CYP27B1: variants seen among roughly 807,000 people sequenced by gnomAD.
CYP27B1 encodes the protein cytochrome P450 family 27 subfamily B member 1.
A neutral mutation model predicts 54.8 loss-of-function variants in CYP27B1; 46 were observed. The observed-to-expected ratio is 0.84, with a 90% CI of 0.66 to 1.07. The LOEUF (loss-of-function observed/expected upper bound fraction) is 1.07, where lower values mean the gene tolerates loss of function less well. CYP27B1 is among the 50% of genes least tolerant of loss of function. CYP27B1 has a pLI of 0.00. For synonymous variants in CYP27B1, 292 were observed against 297.3 expected (o/e 0.98, Z 0.18); for missense variants, 674 against 692.2 (o/e 0.97, Z 0.30).
chr12:57,763,096 C>T lies in CYP27B1; in HGVS notation c.*46G>A. The T allele has an allele frequency of 2.2e-6, 3 of 1,387,370 alleles. No homozygotes were observed. Among genetic ancestry groups the T allele is most frequent in the Non-Finnish European group, 1.0e-6 (1 of 977,950 alleles). The allele number at this position is 1,387,370 out of a possible 1,614,324, so 85.9% of individuals were successfully genotyped here. On this transcript the variant is annotated 3_prime_UTR_variant, in exon 9 of 9. Transcript: ENST00000228606. ...TCTTGTGCCTACAAAAAATCTTATC[C>T]CTATGATGAATGAAAGGGTGATGAT...
At chr12:57,763,401 G>A in intron 8 of CYP27B1, 146 bp from the exon 9 acceptor site, 1 of 847,296 alleles carries the variant, frequency 1.2e-6, no homozygotes, top group Non-Finnish European at 2.0e-6. Flanking sequence ...GGGACTTCTT[G>A]GTTAATAAGG....
rs758207671 is a variant in CYP27B1, at chr12:57,762,690, G to T, written c.*452C>A. The T allele has an allele frequency of 8.0e-6, 2 of 249,388 alleles. No individual in the cohort carries two copies. Among genetic ancestry groups the T allele is most frequent in the Non-Finnish European group, 1.6e-5 (2 of 125,824 alleles). The allele number at this position is 249,388 out of a possible 1,614,324, so 15.4% of individuals were successfully genotyped here. A position where few individuals can be genotyped will look rare whatever the true frequency, so the allele number is the denominator to read the frequency against. The stretch of plus-strand genomic sequence containing the variant: ...GCAGGGGACATAAAAAACAAATAAG[G>T]CTTCACCCTTCCTCTCAAAGAGCTT... On this transcript the variant is annotated 3_prime_UTR_variant, in exon 9 of 9. Coordinates refer to ENST00000228606, the MANE Select transcript of CYP27B1 (RefSeq NM_000785.4).
At position 57,765,587 on chromosome 12, in the gene CYP27B1, T is replaced by A. The variant is rs1182296520; in HGVS notation, c.387-88A>T. 7.2e-7 allele frequency: 1 copy of A among 1,383,446 alleles called. No individual in the cohort carries two copies. Among genetic ancestry groups the A allele is most frequent in the Non-Finnish European group, 1.0e-6 (1 of 992,076 alleles). 85.7% of individuals were successfully genotyped at this position (1,383,446 alleles called of 1,614,324 possible). ...AGTGAAGGAGCGCGTTCGGCTGCGG[T>A]GGCCAGGAGAGGGATTGCGTCTGCC... On this transcript the variant is annotated intron_variant, in intron 2 of 8. Transcript: ENST00000228606. This position sits in a 1 kb window ranked among gnomAD's most constrained non-coding sequence, Gnocchi z 5.8.
chr12:57,764,653 T>G, intron 5 of CYP27B1, 101 bp downstream of exon 5: 1 of 1,591,812 alleles, frequency 6.3e-7, no homozygotes, highest in Non-Finnish European at 8.6e-7. Flanking sequence ...GCCAAGCTGG[T>G]CTACGTGGCC....
Position 57,765,352 on chromosome 12 carries a change from C to A in CYP27B1, c.534G>T (p.Gly178=), listed in dbSNP as rs757859131. 1.9e-6 allele frequency: 3 copies of A among 1,613,468 alleles called. No homozygotes were observed. ...RLRRQRGRGT[G]PPALVRDVAG... Reference sequence around the variant, plus strand: ...CCACGTCCCGAACCAGGGCGGGCGGCCCCGTGCCACGTCCCCGCTGGCGCC... The same window carrying A: ...CCACGTCCCGAACCAGGGCGGGCGGACCCGTGCCACGTCCCCGCTGGCGCC... Residue 178 remains glycine (G), a synonymous_variant, in exon 3 of 9, where the codon GGG becomes GGT. Coordinates refer to ENST00000228606, the MANE Select transcript of CYP27B1 (RefSeq NM_000785.4). The surrounding 1 kb of genome is among the most constrained non-coding windows in gnomAD (Gnocchi z 5.8).
At position 57,766,853 on chromosome 12, in the gene CYP27B1, C is replaced by T. The variant is rs576826652; in HGVS notation, c.189G>A (p.Glu63=). ...GAAAGGCGTCCCTTCCTACCTGCAG[C>T]TCGTGTAGCCTCGACAGCCCCCCCT... ...FCKGGLSRLH[E]LQVQGAAHFG... is the part of the protein sequence containing the mutation. Residue 63 remains glutamate (E), a synonymous_variant, in exon 1 of 9, where the codon GAG becomes GAA. Coordinates refer to ENST00000228606, the MANE Select transcript of CYP27B1 (RefSeq NM_000785.4). 9 of 1,614,246 alleles carry T rather than the reference C, an allele frequency of 5.6e-6. No individual in the cohort carries two copies. In the South Asian group the frequency reaches 7.7e-5, roughly 14 times the overall value.
At chr12:57,763,301 TG>T (rs1955333325) in intron 8 of CYP27B1, 46 bp from the exon 9 acceptor site, 2 of 1,388,934 alleles carry the variant, frequency 1.4e-6, no homozygotes, top group South Asian at 1.2e-5. Flanking sequence ...ATATCTATAA[TG>T]GGGGGATTCA....
At position 57,766,038 on chromosome 12, in the gene CYP27B1, AGCGGCGGTGCTCCGT is replaced by A; in HGVS notation, c.340_354del (p.Thr114_Arg118del). The A allele has an allele frequency of 6.4e-7, 1 of 1,569,654 alleles. No individual in the cohort carries two copies. ...AGCAGTCCGCAAGCCCGCTGGCGGC[AGCGGCGGTGCTCCGT>A]CCAGGGCGAGAAGCTGCAGCGCTCG... is the stretch of plus-strand genomic sequence containing the variant. On this transcript the variant is annotated inframe_deletion, in exon 2 of 9. Transcript: ENST00000228606.
chr12:57,764,318 A>G, intron 6 of CYP27B1, 60 bp downstream of exon 6: 1 of 1,602,326 alleles, frequency 6.2e-7, no homozygotes, highest in Non-Finnish European at 8.6e-7. Context: ...TCCATCCACT[A>G]GTTGCTTCCC....
rs1372678740 is a variant in CYP27B1, at chr12:57,765,948, C to G, written c.386+59G>C. On this transcript the variant is annotated intron_variant, in intron 2 of 8. Transcript: ENST00000228606. The surrounding 1 kb of genome is among the most constrained non-coding windows in gnomAD (Gnocchi z 5.8). ...GCCCCCAGATTGATAGTTTCGGGAC[C>G]CGCAGCAGGAGAGGGCCGCTGCAGG... The G allele has an allele frequency of 2.0e-6, 3 of 1,479,440 alleles. No homozygotes were observed. Among genetic ancestry groups the G allele is most frequent in the Non-Finnish European group, 2.7e-6 (3 of 1,116,966 alleles). The allele number at this position is 1,479,440 out of a possible 1,614,324, so 91.6% of individuals were successfully genotyped here. A position where few individuals can be genotyped will look rare whatever the true frequency, so the allele number is the denominator to read the frequency against.
intron 6 of CYP27B1, 41 bp downstream of exon 6, chr12:57,764,337 C>T: frequency 6.2e-7 from 1 of 1,613,358 alleles, no homozygotes; most frequent in Non-Finnish European, 8.5e-7. Flanking sequence ...CCCAGCCCTT[C>T]CTTGGCATTT....
chr12:57,766,554 G>A, intron 1 of CYP27B1: 5 of 573,382 alleles, frequency 8.7e-6, no homozygotes, highest in Non-Finnish European at 1.2e-5. Flanking sequence ...CAAGCAGGCG[G>A]AGGGTACTGC....
chr12:57,766,730 C>G, intron 1 of CYP27B1, 117 bp downstream of exon 1: 1 of 1,149,056 alleles, frequency 8.7e-7, no homozygotes. Context: ...TTCCTTATTT[C>G]ATGGGCATCC....
chr12:57,762,413 A>T lies in CYP27B1; in HGVS notation c.*729T>A, dbSNP rs886646283. 6.6e-6 allele frequency: 1 copy of T among 152,336 alleles called. No homozygotes were observed. The highest frequency in any genetic ancestry group is 6.5e-5 in the Admixed American group (1 of 15,298). The allele number at this position is 152,336 out of a possible 1,614,324, so 9.4% of individuals were successfully genotyped here. A position where few individuals can be genotyped will look rare whatever the true frequency, so the allele number is the denominator to read the frequency against. On this transcript the variant is annotated 3_prime_UTR_variant, in exon 9 of 9. Coordinates refer to ENST00000228606, the MANE Select transcript of CYP27B1 (RefSeq NM_000785.4). ...AATATAAAAAGCCAGAGGCCTGGGC[A>T]GGGACAGGCCCAAAGATGTCTCTGC...
At chr12:57,763,914 G>GAAGTTT (rs1205765914) in intron 7 of CYP27B1, 106 bp from the exon 8 acceptor site, 3 of 1,228,214 alleles carry the variant, frequency 2.4e-6, no homozygotes, top group Non-Finnish European at 3.6e-6. Context: ...GGGTGATGGG[G>GAAGTTT]AAGTTTTCTG....
At chr12:57,764,275 T>C in intron 6 of CYP27B1, 99 bp from the exon 7 acceptor site, 1 of 1,562,512 alleles carries the variant, frequency 6.4e-7, no homozygotes, top group Admixed American at 1.7e-5. Context: ...TGGCCAGGAG[T>C]AGAGGGCCAT....
rs541475094 is a variant in CYP27B1, at chr12:57,767,073, G to C, written c.-32C>G. 2.5e-6 allele frequency: 4 copies of C among 1,602,680 alleles called. No individual in the cohort carries two copies. In the East Asian group the frequency reaches 6.7e-5, roughly 27 times the overall value. ...GTTCAGGGTGCTCGCGAAAGAAAGC[G>C]CTTCTCCTGAGCATCATATCTCAAC... On this transcript the variant is annotated 5_prime_UTR_variant, in exon 1 of 9. Coordinates refer to ENST00000228606, the MANE Select transcript of CYP27B1 (RefSeq NM_000785.4).
chr12:57,763,510 G>A, intron 8 of CYP27B1, 101 bp downstream of exon 8: 1 of 1,074,050 alleles, frequency 9.3e-7, no homozygotes, highest in Non-Finnish European at 1.5e-6. Flanking sequence ...ATTCTACCAG[G>A]TCTTATATGA....
intron 8 of CYP27B1, 143 bp downstream of exon 8, chr12:57,763,468 C>A: frequency 1.1e-6 from 1 of 908,746 alleles, no homozygotes; most frequent in Non-Finnish European, 1.8e-6. Context: ...CACTCCAGGC[C>A]TATAATGGGC....
Sources: gnomAD v4.1 joint callset for allele counts on GRCh38, gnomAD v4.1.1 for gene constraint, Gnocchi (gnomAD v3.1) non-coding constraint, MANE v1.5 for transcripts, NCBI Gene and HGNC (gene_info 2026-07-23, HGNC 2026-07-21) for gene names.